The following OR56A3 variants were observed in gnomAD, a reference collection of about 807,000 sequenced individuals.
The protein encoded by OR56A3 is olfactory receptor family 56 subfamily A member 3, also known as olfactory receptor 56A3.
In OR56A3, 23 loss-of-function variants were observed where a neutral mutation model predicts 17.5. That is an observed-to-expected ratio of 1.32 (90% CI 0.95 to 1.87). The LOEUF is 1.87. Ranked by LOEUF, OR56A3 falls within the 40% of genes most tolerant of loss-of-function variation. OR56A3 has a pLI of 0.00. For missense variants in OR56A3, 366 were observed against 380.1 expected (o/e 0.96, Z 0.31); for synonymous variants, 175 against 150.6 (o/e 1.16, Z -1.19).
In OR56A3 at chr11:5,948,481, A is replaced by G. The variant is rs1239655632; in HGVS notation, c.*187A>G. On this transcript the variant is annotated 3_prime_UTR_variant, in exon 3 of 3. Coordinates refer to ENST00000641160, the MANE Select transcript of OR56A3 (RefSeq NM_001003443.3). ...TCCTTTTCACCCTTTTCTCAGAAAT[A>G]TTCTTGGCCCTCTCTCGTTTTATTC... 1 of 556,118 alleles carries G rather than the reference A, an allele frequency of 1.8e-6. No individual in the cohort carries two copies. The highest frequency in any genetic ancestry group is 2.8e-5 in the East Asian group (1 of 35,290). 34.4% of individuals were successfully genotyped at this position (556,118 alleles called of 1,614,324 possible). A position where few individuals can be genotyped will look rare whatever the true frequency, so the allele number is the denominator to read the frequency against.
the OR56A3 span, among the ~76,000 whole-genome samples, chr11:6,003,603 T>C: frequency 6.6e-6 from 1 of 152,004 alleles, no homozygotes; most frequent in Admixed American, 6.6e-5. Context: ...CAGTACATCG[T>C]TGGGATGTAG....
chr11:6,021,200 G>A, the OR56A3 span: 4 of 152,008 alleles, frequency 2.6e-5, no homozygotes, highest in Non-Finnish European at 5.9e-5. Flanking sequence ...AACCTATTAG[G>A]CCTTCGAGGG....
chr11:5,953,795 A>T (rs961658333), downstream of OR56A3, among the ~76,000 whole-genome samples: 9 of 152,202 alleles, frequency 5.9e-5, no homozygotes, highest in African/African-American at 9.6e-5. Context: ...TTATTTTAAT[A>T]AATGTTTTTA....
At chr11:6,005,515 T>C in the OR56A3 span, among the ~76,000 whole-genome samples, 1 of 152,208 alleles carries the variant, frequency 6.6e-6, no homozygotes, top group African/African-American at 2.4e-5. Context: ...TCACGTACAT[T>C]GTAGGAAATC....
At chr11:6,000,479 G>C in the OR56A3 span, 1 of 152,150 alleles carries the variant, frequency 6.6e-6, no homozygotes, top group Non-Finnish European at 1.5e-5. Flanking sequence ...AGGGGGAGTG[G>C]GGAGGGATAG....
At chr11:5,989,449 A>G in the OR56A3 span, among the ~76,000 whole-genome samples, 7 of 152,342 alleles carry the variant, frequency 4.6e-5, no homozygotes, top group East Asian at 1.3e-3. Flanking sequence ...AAGTAAGTAA[A>G]TAAAGCAGAG....
the OR56A3 span, among the ~76,000 whole-genome samples, chr11:5,998,795 T>A: frequency 6.6e-6 from 1 of 152,262 alleles, no homozygotes; most frequent in East Asian, 1.9e-4. Context: ...GTCAAGCCTC[T>A]GCACACTGTG....
chr11:5,986,029 A>G, the OR56A3 span: 11 of 1,613,568 alleles, frequency 6.8e-6, no homozygotes, highest in Admixed American at 5.0e-5. Flanking sequence ...CGCAGGTGGC[A>G]TGAGGAGATA....
the OR56A3 span, among the ~76,000 whole-genome samples, chr11:6,012,589 C>G: frequency 1.3e-5 from 2 of 152,150 alleles, no homozygotes; most frequent in Non-Finnish European, 2.9e-5. Flanking sequence ...CATTATCTCT[C>G]GATCCTCTTC....
chr11:5,954,738 G>C (rs938519673), downstream of OR56A3, among the ~76,000 whole-genome samples: 19 of 152,066 alleles, frequency 1.2e-4, no homozygotes, highest in African/African-American at 3.4e-4. Context: ...TAAACAGAAA[G>C]TATGAAACAA....
chr11:5,995,932 C>T, the OR56A3 span, among the ~76,000 whole-genome samples: 1 of 152,222 alleles, frequency 6.6e-6, no homozygotes, highest in African/African-American at 2.4e-5. Context: ...ATTCTACTCT[C>T]AAAGACTTTA....
the OR56A3 span, chr11:5,968,423 C>G: frequency 1.2e-6 from 2 of 1,604,238 alleles, no homozygotes; most frequent in Non-Finnish European, 1.7e-6. Flanking sequence ...GCTGCCAGCT[C>G]TGGAAACTGG....
chr11:6,013,516 C>T, the OR56A3 span, among the ~76,000 whole-genome samples: 1 of 152,176 alleles, frequency 6.6e-6, no homozygotes, highest in Non-Finnish European at 1.5e-5. Flanking sequence ...CACAGAGCAT[C>T]TTCCTGAGGT....
chr11:5,962,316 C>T, the OR56A3 span, among the ~76,000 whole-genome samples: 1 of 152,134 alleles, frequency 6.6e-6, no homozygotes, highest in South Asian at 2.1e-4. Context: ...AAGATTTCTG[C>T]ATCCATTTTC....
the OR56A3 span, among the ~76,000 whole-genome samples, chr11:5,998,961 G>A: frequency 2.0e-5 from 3 of 152,212 alleles, no homozygotes; most frequent in Admixed American, 2.0e-4. Flanking sequence ...AAGCCTGGTA[G>A]CCTTAAAGAA....
chr11:6,007,622 GAAAGAA>G, the OR56A3 span, among the ~76,000 whole-genome samples: 1 of 151,560 alleles, frequency 6.6e-6, no homozygotes, highest in African/African-American at 2.4e-5. Flanking sequence ...GGAGGGAAGA[GAAAGAA>G]AAAGAAAAAG....
At chr11:5,996,167 A>G in the OR56A3 span, among the ~76,000 whole-genome samples, 2 of 152,194 alleles carry the variant, frequency 1.3e-5, no homozygotes. Context: ...AATGTTATCA[A>G]CAGATGAATG....
In OR56A3 at chr11:5,948,324, A is replaced by G; in HGVS notation, c.*30A>G. On this transcript the variant is annotated 3_prime_UTR_variant, in exon 3 of 3. Coordinates refer to ENST00000641160, the MANE Select transcript of OR56A3 (RefSeq NM_001003443.3). The stretch of plus-strand genomic sequence containing the variant: ...GACCACTGGATCTCTGAATATCTAA[A>G]ATAAGATAATTTATTAATCACTTAA... 1.4e-6 allele frequency: 2 copies of G among 1,456,190 alleles called. No individual in the cohort carries two copies. Among genetic ancestry groups the G allele is most frequent in the Non-Finnish European group, 1.9e-6 (2 of 1,048,640 alleles). 90.2% of individuals were successfully genotyped at this position (1,456,190 alleles called of 1,614,324 possible).
At chr11:5,986,904 G>T in the OR56A3 span, 90 of 1,611,242 alleles carry the variant, frequency 5.6e-5, no homozygotes, top group Non-Finnish European at 7.5e-5. Flanking sequence ...GCTTGGAGAG[G>T]AAAGAGAAAA....
Sources: gnomAD v4.1 joint callset for allele counts (sites outside exome capture counted in the v4.1 genomes callset) on GRCh38, gnomAD v4.1.1 for gene constraint, MANE v1.5 for transcripts, NCBI Gene and HGNC (gene_info 2026-07-23, HGNC 2026-07-21) for gene names.